MSH3: variants seen among roughly 807,000 people sequenced by gnomAD.
MSH3 encodes DNA mismatch repair protein Msh3.
A neutral mutation model predicts 123.3 loss-of-function variants in MSH3; 106 were observed. That is an observed-to-expected ratio of 0.86 (90% CI 0.73 to 1.01). The LOEUF (loss-of-function observed/expected upper bound fraction) is 1.01. Among genes scored for constraint, MSH3 ranks in the 50% least tolerant of loss-of-function variants. The pLI is 0.00. For missense variants in MSH3, 1,459 were observed against 1,347.6 expected (o/e 1.08, Z -1.29); for synonymous variants, 515 against 481.4 (o/e 1.07, Z -0.91).
In MSH3 at chr5:80,728,917, TA is replaced by T. The variant is rs1580589397; in HGVS notation, c.1524del (p.Lys508AsnfsTer28). The T allele has an allele frequency of 6.2e-7, 1 of 1,612,844 alleles. No individual in the cohort carries two copies. The highest frequency in any genetic ancestry group is 8.5e-7 in the Non-Finnish European group (1 of 1,178,910). On this transcript the variant is annotated frameshift_variant, in exon 10 of 24. Transcript: ENST00000265081. LOFTEE classifies it high-confidence loss of function. ...GTGATTTGCTCTTTGGCTGCCATCA[TA>T]AAATACCTCAAAGAATTCAACTTGG... ...KPVICSLAAI[I>X]KYLKEFNLEK...
chr5:80,711,212 G>A (rs1252889622), intron 8 of MSH3, among the ~76,000 whole-genome samples: 1 of 152,178 alleles, frequency 6.6e-6, no homozygotes, highest in East Asian at 1.9e-4. Context: ...CTAGCCTTGA[G>A]TCTGAGGCCC....
intron 20 of MSH3, among the ~76,000 whole-genome samples, chr5:80,822,688 CCTCTTGGAGCACT>C (rs1287066568): frequency 3.9e-5 from 6 of 152,160 alleles, no homozygotes; most frequent in African/African-American, 1.4e-4. Flanking sequence ...TGACACTTTC[CCTCTTGGAGCACT>C]GTGGCCATAA....
intron 8 of MSH3, among the ~76,000 whole-genome samples, chr5:80,702,990 C>T (rs920535468): frequency 3.3e-5 from 5 of 152,078 alleles, no homozygotes; most frequent in South Asian, 2.1e-4. Context: ...CCTCCCTGGG[C>T]GACAGAGCGA....
chr5:80,787,717 A>G (rs1201831473), intron 18 of MSH3, 45 bp downstream of exon 18: 2 of 1,243,294 alleles, frequency 1.6e-6, no homozygotes, highest in African/African-American at 1.5e-5. Context: ...TTTAGATAAG[A>G]TGACATTATT....
Position 80,820,138 on chromosome 5 carries a change from A to G in MSH3, c.2813+6397A>G, listed in dbSNP as rs548545888. Among the ~76,000 whole-genome samples, 6 of 152,346 alleles carry G rather than the reference A, an allele frequency of 3.9e-5. No homozygotes were observed. The East Asian group carries it at 1.2e-3, about 29-fold the overall frequency. ...AAATAGCTTAAGTGAATAAATAAGG[A>G]TGAGGGCTTAAAATGGAGCCATGAC... On this transcript the variant is annotated intron_variant, in intron 20 of 23. Transcript: ENST00000265081.
chr5:80,756,731 G>A (rs971945498), intron 12 of MSH3, among the ~76,000 whole-genome samples: 1 of 152,100 alleles, frequency 6.6e-6, no homozygotes, highest in African/African-American at 2.4e-5. Flanking sequence ...GACTAGCAAA[G>A]CTCTGTTAAC....
intron 20 of MSH3, among the ~76,000 whole-genome samples, chr5:80,819,147 T>G (rs1176604027): frequency 6.6e-6 from 1 of 152,104 alleles, no homozygotes; most frequent in East Asian, 1.9e-4. Flanking sequence ...AATCATTAAT[T>G]TATAGCATGT....
At chr5:80,831,877 G>A (rs1405340278) in intron 20 of MSH3, among the ~76,000 whole-genome samples, 8 of 152,218 alleles carry the variant, frequency 5.3e-5, no homozygotes, top group Non-Finnish European at 8.8e-5. Context: ...GGGAGGCCGA[G>A]GCGGGTGGAT....
chr5:80,826,873 A>G (rs555168488), intron 20 of MSH3, among the ~76,000 whole-genome samples: 1 of 152,242 alleles, frequency 6.6e-6, no homozygotes, highest in South Asian at 2.1e-4. Flanking sequence ...TCTGAATACT[A>G]TAACCTCACA....
In MSH3 at chr5:80,654,970, T is replaced by A; in HGVS notation, c.237+6T>A. The A allele has an allele frequency of 6.9e-7, 1 of 1,458,550 alleles. No individual in the cohort carries two copies. The highest frequency in any genetic ancestry group is 1.3e-5 in the South Asian group (1 of 75,238). 90.4% of individuals were successfully genotyped at this position (1,458,550 alleles called of 1,614,324 possible). ...CCCAGCTGCCGCCGCACATAGTAGG[T>A]TCTGTCTGGGACTGGGCAGGGCCAT... On this transcript the variant is annotated splice_donor_region_variant and intron_variant, in intron 1 of 23. Coordinates refer to ENST00000265081, the MANE Select transcript of MSH3 (RefSeq NM_002439.5).
At chr5:80,729,460 G>GTGTGTA (rs1277559108) in intron 10 of MSH3, among the ~76,000 whole-genome samples, 12 of 95,030 alleles carry the variant, frequency 1.3e-4, no homozygotes, top group Admixed American at 6.9e-4. Context: ...GTGTGTGTGT[G>GTGTGTA]TATATATATA....
intron 20 of MSH3, among the ~76,000 whole-genome samples, chr5:80,827,838 G>A (rs1745345910): frequency 6.6e-6 from 1 of 152,172 alleles, no homozygotes; most frequent in Non-Finnish European, 1.5e-5. Flanking sequence ...ATCCCCTGGA[G>A]ATAGATACTG....
At chr5:80,815,002 A>G (rs1745076268) in intron 20 of MSH3, among the ~76,000 whole-genome samples, 1 of 152,236 alleles carries the variant, frequency 6.6e-6, no homozygotes. Context: ...GTCTCTGTGC[A>G]TAGTCAAGCT....
chr5:80,671,243 T>C (rs1226193305), intron 4 of MSH3, among the ~76,000 whole-genome samples: 1 of 152,246 alleles, frequency 6.6e-6, no homozygotes, highest in African/African-American at 2.4e-5. Context: ...GTATTGCAGA[T>C]GACACCTTTG....
intron 16 of MSH3, among the ~76,000 whole-genome samples, chr5:80,777,720 T>G (rs1744329642): frequency 6.6e-6 from 1 of 152,166 alleles, no homozygotes; most frequent in African/African-American, 2.4e-5. Flanking sequence ...AGATTTTGAA[T>G]GCAAAAGGCC....
intron 21 of MSH3, among the ~76,000 whole-genome samples, chr5:80,864,344 C>T (rs1054969203): frequency 6.6e-6 from 1 of 151,700 alleles, no homozygotes; most frequent in South Asian, 2.1e-4. Flanking sequence ...TATTCCTGTA[C>T]GAAAGGATAC....
chr5:80,811,745 C>T (rs1313609232), intron 19 of MSH3, among the ~76,000 whole-genome samples: 6 of 151,272 alleles, frequency 4.0e-5, no homozygotes, highest in Admixed American at 2.6e-4. Flanking sequence ...TTTCTTGTGT[C>T]GTTTTGTGAT....
chr5:80,787,659 G>A lies in MSH3; in HGVS notation c.2530G>A (p.Gly844Arg), dbSNP rs1580051177. 5 of 1,611,688 alleles carry A rather than the reference G, an allele frequency of 3.1e-6. No homozygotes were observed. The East Asian group carries it at 1.1e-4, about 36-fold the overall frequency. The change falls in exon 18 of 24, where the codon GGA becomes AGA. Residue 844 changes from glycine (G) to arginine (R), a missense_variant. Transcript: ENST00000265081. ...CTCCCTGGCCAAGGTCGCTAAGCAA[G>A]GAGATTACTGCAGGTAAGATATTTT... is the stretch of plus-strand genomic sequence containing the variant. ...IFSLAKVAKQ[G>R]DYCRPTVQEE... is the part of the protein sequence containing the mutation.
chr5:80,758,959 A>G (rs1256334851), intron 12 of MSH3, among the ~76,000 whole-genome samples: 3 of 152,216 alleles, frequency 2.0e-5, no homozygotes, highest in Non-Finnish European at 4.4e-5. Flanking sequence ...TGCAGGAGTG[A>G]GTTATTAAAG....
Sources: allele counts gnomAD v4.1 joint callset (sites outside exome capture counted in the v4.1 genomes callset), GRCh38; gene constraint gnomAD v4.1.1; transcripts MANE v1.5; gene names NCBI Gene and HGNC (gene_info 2026-07-23, HGNC 2026-07-21).